The following FKTN variants were observed in gnomAD, a reference collection of about 807,000 sequenced individuals.
The protein encoded by FKTN is fukutin, also known as ribitol-5-phosphate transferase FKTN.
A neutral mutation model predicts 58.6 loss-of-function variants in FKTN; 47 were observed. The ratio of observed to expected loss-of-function variants is 0.80; its 90% CI spans 0.63 to 1.02. The LOEUF (loss-of-function observed/expected upper bound fraction) is 1.02, where lower values mean the gene tolerates loss of function less well. Among genes scored for constraint, FKTN ranks in the 50% least tolerant of loss-of-function variants. FKTN has a pLI of 0.00. For missense variants in FKTN, 516 were observed against 537.3 expected, an observed-to-expected ratio of 0.96 and a Z score of 0.39; for synonymous variants, 178 against 191.9, an observed-to-expected ratio of 0.93 and a Z score of 0.60.
At position 105,640,807 on chromosome 9, in the gene FKTN, T is replaced by G. The variant is rs2133496748; in HGVS notation, c.*5543T>G. 1 of 152,320 alleles carries G rather than the reference T, an allele frequency of 6.6e-6. No individual in the cohort carries two copies. 9.4% of individuals were successfully genotyped at this position (152,320 alleles called of 1,614,324 possible). ...GCACCTTTGAAAAAAATAACAGGAT[T>G]TTACAGCCTTCTGATGATTCATTCA... On this transcript the variant is annotated 3_prime_UTR_variant, in exon 11 of 11. Transcript: ENST00000357998.
chr9:105,605,717 T>A (rs1828768505), intron 6 of FKTN, among the ~76,000 whole-genome samples: 1 of 151,758 alleles, frequency 6.6e-6, no homozygotes, highest in African/African-American at 2.4e-5. Context: ...AGATAGAGAG[T>A]AGAATGATGG....
rs897242936 is a variant in FKTN at position 105,592,477 on chromosome 9, A to G, written c.106-4121A>G. ...TATGGTGAAACCCTGTCTCTACTAA[A>G]AATACAAAAATTAGCTGGGTGTGGT... On this transcript the variant is annotated intron_variant, in intron 3 of 10. Transcript: ENST00000357998. Among the ~76,000 whole-genome samples the G allele has an allele frequency of 2.0e-5, 3 of 152,026 alleles. No homozygotes were observed. In the East Asian group the frequency reaches 5.8e-4, roughly 29 times the overall value.
intron 1 of FKTN, among the ~76,000 whole-genome samples, chr9:105,568,412 C>G (rs1244554614): frequency 2.6e-5 from 4 of 152,060 alleles, no homozygotes; most frequent in Non-Finnish European, 5.9e-5. Context: ...GGGCTAATAC[C>G]CAGAATCTAC....
At chr9:105,571,321 A>G (rs1587839793) in intron 1 of FKTN, among the ~76,000 whole-genome samples, 1 of 152,184 alleles carries the variant, frequency 6.6e-6, no homozygotes, top group Non-Finnish European at 1.5e-5. Context: ...CACATTATTC[A>G]TTTTTAAGTG....
chr9:105,594,916 A>G (rs774902160), intron 3 of FKTN, among the ~76,000 whole-genome samples: 6 of 152,212 alleles, frequency 3.9e-5, no homozygotes, highest in Admixed American at 2.0e-4. Context: ...AATATTTCCG[A>G]TTGCATTTTT....
intron 1 of FKTN, among the ~76,000 whole-genome samples, chr9:105,569,090 G>C (rs1342887168): frequency 6.6e-6 from 1 of 152,114 alleles, no homozygotes; most frequent in African/African-American, 2.4e-5. Context: ...ACTGAACAAT[G>C]AGAACACTTG....
intron 3 of FKTN, among the ~76,000 whole-genome samples, chr9:105,590,887 TC>T (rs1198098773): frequency 7.2e-6 from 1 of 139,700 alleles, no homozygotes; most frequent in African/African-American, 2.6e-5. Context: ...TGGGGAGGCC[TC>T]AGGAAACTTA....
chr9:105,607,678 A>G (rs1004838924), intron 6 of FKTN, 141 bp from the exon 7 acceptor site: 3 of 689,926 alleles, frequency 4.3e-6, no homozygotes, highest in Non-Finnish European at 7.9e-6. Flanking sequence ...TTACATAGGT[A>G]TACATGTGCC....
chr9:105,614,977 G>A (rs775410754), intron 7 of FKTN, among the ~76,000 whole-genome samples: 8 of 151,106 alleles, frequency 5.3e-5, no homozygotes, highest in Non-Finnish European at 8.8e-5. Context: ...TCCACCTCCC[G>A]GGTTCAAGTG....
At chr9:105,604,057 A>G (rs949692309) in intron 5 of FKTN, among the ~76,000 whole-genome samples, 158 bp from the exon 6 acceptor site, 1 of 152,122 alleles carries the variant, frequency 6.6e-6, no homozygotes, top group African/African-American at 2.4e-5. Context: ...CCTTCTGCCC[A>G]TCACCCTCAT....
intron 1 of FKTN, among the ~76,000 whole-genome samples, chr9:105,565,836 C>G (rs1315667501): frequency 6.6e-6 from 1 of 152,208 alleles, no homozygotes; most frequent in Admixed American, 6.5e-5. Context: ...CCCAAATCAA[C>G]AGAATATACA....
intron 10 of FKTN, among the ~76,000 whole-genome samples, chr9:105,632,662 A>G (rs1197706283): frequency 6.6e-6 from 1 of 152,110 alleles, no homozygotes; most frequent in African/African-American, 2.4e-5. Flanking sequence ...GATTTTAAGG[A>G]TATCTGTGAG....
At chr9:105,568,470 T>G (rs1183654666) in intron 1 of FKTN, among the ~76,000 whole-genome samples, 7 of 152,062 alleles carry the variant, frequency 4.6e-5, no homozygotes, top group Non-Finnish European at 8.8e-5. Flanking sequence ...CATCAACAAG[T>G]GGGCAAAGGA....
Position 105,601,728 on chromosome 9 carries a change from A to G in FKTN, c.369+380A>G, listed in dbSNP as rs138926703. ...AGATTCTGCTTTTTTGCTGGGGGAA[A>G]CTTCTCAATATCGGTATTTTTAGGT... On this transcript the variant is annotated intron_variant, in intron 5 of 10. Transcript: ENST00000357998. Among the ~76,000 whole-genome samples the G allele has an allele frequency of 4.3e-3, 662 of 152,200 alleles. 5 individuals carry two copies. Among genetic ancestry groups the G allele is most frequent in the Non-Finnish European group, 7.3e-3 (493 of 67,984 alleles).
chr9:105,567,427 G>C (rs1210760526), intron 1 of FKTN, among the ~76,000 whole-genome samples: 1 of 152,172 alleles, frequency 6.6e-6, no homozygotes, highest in Non-Finnish European at 1.5e-5. Context: ...ATCTCCTTAA[G>C]CTGATAAGCA....
At chr9:105,562,436 G>A (rs1464540960) in intron 1 of FKTN, among the ~76,000 whole-genome samples, 1 of 152,176 alleles carries the variant, frequency 6.6e-6, no homozygotes, top group Non-Finnish European at 1.5e-5. Flanking sequence ...TTCACCTCTA[G>A]GTAGTGTCAG....
intron 1 of FKTN, among the ~76,000 whole-genome samples, chr9:105,563,836 G>A (rs1838818359): frequency 6.6e-6 from 1 of 152,208 alleles, no homozygotes; most frequent in Non-Finnish European, 1.5e-5. Context: ...TGAGATCTGA[G>A]AACGGACAGA....
chr9:105,590,000 G>A (rs908106363), intron 3 of FKTN, among the ~76,000 whole-genome samples: 1 of 152,172 alleles, frequency 6.6e-6, no homozygotes, highest in Non-Finnish European at 1.5e-5. Flanking sequence ...TATCCTGAGT[G>A]AGACTGGGAA....
chr9:105,638,073 A>G lies in FKTN; in HGVS notation c.*2809A>G. On this transcript the variant is annotated 3_prime_UTR_variant, in exon 11 of 11. Coordinates refer to ENST00000357998, the MANE Select transcript of FKTN (RefSeq NM_001079802.2). ...AAAGCTAGAAAAACCATAATGTAAT[A>G]TTCTTTTTAAACCCTCTTATTTTAT... The G allele has an allele frequency of 1.0e-6, 1 of 972,308 alleles. No individual in the cohort carries two copies. The highest frequency in any genetic ancestry group is 1.2e-6 in the Non-Finnish European group (1 of 817,974). The allele number at this position is 972,308 out of a possible 1,614,324, so 60.2% of individuals were successfully genotyped here.
Sources: allele counts gnomAD v4.1 joint callset (sites outside exome capture counted in the v4.1 genomes callset), GRCh38; gene constraint gnomAD v4.1.1; transcripts MANE v1.5; gene names NCBI Gene and HGNC (gene_info 2026-07-23, HGNC 2026-07-21).